Variants in ATR observed in about 807,000 individuals in gnomAD.
ATR encodes serine/threonine-protein kinase ATR.
A neutral mutation model predicts 305.3 loss-of-function variants in ATR; 142 were observed. The observed-to-expected ratio is 0.47, with a 90% CI of 0.41 to 0.53. The LOEUF is 0.53. Ranked by LOEUF, ATR falls within the 20% of genes least tolerant of loss-of-function variation. The probability of loss-of-function intolerance (pLI) is 0.00; values close to 1 mark genes in which losing one functional copy is unlikely to be tolerated. For missense variants in ATR, 2,135 were observed against 3,133.1 expected, an observed-to-expected ratio of 0.68 and a Z score of 7.60; for synonymous variants, 1,050 against 1,068.1, an observed-to-expected ratio of 0.98 and a Z score of 0.33.
rs540386856 is a variant in ATR, at chr3:142,450,500, A to G, written c.7762-898T>C. 1.1e-3 allele frequency: 1,758 copies of G among 1,603,906 alleles called. 2 individuals are homozygous for G. Among genetic ancestry groups the G allele is most frequent in the Non-Finnish European group, 1.4e-3 (1,678 of 1,173,912 alleles). ...TCCACTAAAGAGAGAGTTCATCAGG[A>G]TCCTTGTGAGGCTATTTCTCATATC... On this transcript the variant is annotated intron_variant, in intron 46 of 46. Transcript: ENST00000350721.
chr3:142,560,986 C>CACATATTAAAAAGTTACATATTAA (rs1384150485), intron 5 of ATR, among the ~76,000 whole-genome samples: 1 of 152,096 alleles, frequency 6.6e-6, no homozygotes, highest in Non-Finnish European at 1.5e-5. Context: ...TGCACAGTCT[C>CACATATTAAAAAGTTACATATTAA]AAAGATTTTT....
At chr3:142,496,945 C>T in intron 33 of ATR, 68 bp downstream of exon 33, 1 of 1,505,658 alleles carries the variant, frequency 6.6e-7, no homozygotes, top group Non-Finnish European at 9.1e-7. Flanking sequence ...AATACAAACA[C>T]CCCCAAATAA....
chr3:142,462,115 A>G (rs2071033454), intron 41 of ATR, 25 bp from the exon 42 acceptor site: 1 of 1,599,472 alleles, frequency 6.3e-7, no homozygotes, highest in Admixed American at 1.7e-5. Flanking sequence ...ACATAAATTT[A>G]AAAACAAGAT....
rs200407265 is a variant in ATR, at chr3:142,566,153, C to A, written c.260G>T (p.Ser87Ile). Residue 87 changes from serine (S) to isoleucine (I), a missense_variant, in exon 3 of 47, where the codon AGT becomes ATT. This residue lies in a region of ATR where 744 missense variants were observed against 873.2 expected (regional missense o/e 0.85). Transcript: ENST00000350721. ...ACTGCCTTTGGCCTCATGGCTTCCACTCACATTTACAAACATAAGTGGGGA... is the reference window on the plus strand; with the variant it reads ...ACTGCCTTTGGCCTCATGGCTTCCAATCACATTTACAAACATAAGTGGGGA... ...KSSPLMFVNV[S>I]GSHEAKGSCI... 7.4e-6 allele frequency: 12 copies of A among 1,614,170 alleles called. No homozygotes were observed. The highest frequency in any genetic ancestry group is 1.6e-4 in the Middle Eastern group (1 of 6,062).
At chr3:142,484,836 C>T (rs1175089412) in intron 36 of ATR, among the ~76,000 whole-genome samples, 1 of 152,168 alleles carries the variant, frequency 6.6e-6, no homozygotes, top group Non-Finnish European at 1.5e-5. Flanking sequence ...AAAAAACCCA[C>T]ATCTTTGGTC....
chr3:142,507,499 A>G (rs2032315971), intron 28 of ATR, among the ~76,000 whole-genome samples: 1 of 152,192 alleles, frequency 6.6e-6, no homozygotes, highest in African/African-American at 2.4e-5. Context: ...GCACCCTCCA[A>G]GAAGTTTGGG....
rs2071099187 is a variant in ATR, at chr3:142,465,169, G to A, written c.6969C>T (p.Ile2323=). ...GGTCATCTTTTGGCTTACACATCATGATGTAGAACTTTCCATCTGAGCCTT... is the reference window on the plus strand; with the variant it reads ...GGTCATCTTTTGGCTTACACATCATAATGTAGAACTTTCCATCTGAGCCTT... ...SLKGSDGKFY[I]MMCKPKDDLR... is the part of the protein sequence containing the mutation. Residue 2323 remains isoleucine, a synonymous_variant, in exon 41 of 47, where the codon ATC becomes ATT. Coordinates refer to ENST00000350721, the MANE Select transcript of ATR (RefSeq NM_001184.4). 1.2e-6 allele frequency: 2 copies of A among 1,608,582 alleles called. No individual in the cohort carries two copies. Among genetic ancestry groups the A allele is most frequent in the Non-Finnish European group, 1.7e-6 (2 of 1,175,892 alleles).
intron 20 of ATR, 139 bp from the exon 21 acceptor site, chr3:142,535,344 C>T: frequency 1.1e-6 from 1 of 916,898 alleles, no homozygotes; most frequent in Admixed American, 2.2e-5. Context: ...CCATTCCTTC[C>T]TTTGTACAGC....
chr3:142,482,276 A>C (rs74663516), intron 36 of ATR, among the ~76,000 whole-genome samples: 6,325 of 152,252 alleles, frequency 0.042, 431 homozygotes, highest in African/African-American at 0.14. Flanking sequence ...CAGGGGATAA[A>C]TATGTCTCAA....
At chr3:142,455,644 T>C (rs891315413) in intron 45 of ATR, among the ~76,000 whole-genome samples, 3 of 152,208 alleles carry the variant, frequency 2.0e-5, no homozygotes, top group African/African-American at 7.2e-5. Flanking sequence ...GGGCAAAATA[T>C]TCTTTTCAAA....
At chr3:142,554,286 T>C (rs976554104) in intron 10 of ATR, among the ~76,000 whole-genome samples, 43 of 152,096 alleles carry the variant, frequency 2.8e-4, no homozygotes, top group African/African-American at 1.0e-3. Context: ...AGTGGCATGA[T>C]CACGGCTCAC....
Position 142,553,939 on chromosome 3 carries a change from A to T in ATR, c.2418T>A (p.Leu806=), listed in dbSNP as rs2108465706. The T allele has an allele frequency of 6.2e-7, 1 of 1,611,716 alleles. No homozygotes were observed. The highest frequency in any genetic ancestry group is 8.5e-7 in the Non-Finnish European group (1 of 1,178,822). The change falls in exon 11 of 47, where the codon CTT becomes CTA. Residue 806 remains leucine (L), a synonymous_variant. Coordinates refer to ENST00000350721, the MANE Select transcript of ATR (RefSeq NM_001184.4). ...REDETDVKAV[L]GTLLNLMEDP... ...CTTCCATTAAATTTAATAAAGTTCC[A>T]AGAACTGCTTTTACATCTGTTTCAT...
At chr3:142,472,305 A>G (rs2071304416) in intron 36 of ATR, 1 of 152,172 alleles carries the variant, frequency 6.6e-6, no homozygotes, top group Non-Finnish European at 1.5e-5. Context: ...TTGCTAGATC[A>G]TATGATATTT....
intron 23 of ATR, 119 bp downstream of exon 23, chr3:142,522,609 T>A (rs2033194705): frequency 1.1e-6 from 1 of 872,234 alleles, no homozygotes; most frequent in South Asian, 1.4e-5. Context: ...ATCATGAACT[T>A]GTATAACTTT....
chr3:142,486,208 GA>G (rs1204621198), intron 35 of ATR, among the ~76,000 whole-genome samples: 27 of 152,032 alleles, frequency 1.8e-4, no homozygotes, highest in African/African-American at 6.5e-4. Context: ...TTCATCTAAA[GA>G]AGTTTGAGAA....
chr3:142,451,146 T>G (rs1014820578), intron 46 of ATR: 16 of 1,233,772 alleles, frequency 1.3e-5, no homozygotes, highest in Admixed American at 3.1e-5. Flanking sequence ...GAGGAGAATT[T>G]CACATCCACT....
At chr3:142,568,820 G>A (rs1187431434) in intron 1 of ATR, among the ~76,000 whole-genome samples, 1 of 152,256 alleles carries the variant, frequency 6.6e-6, no homozygotes, top group Non-Finnish European at 1.5e-5. Flanking sequence ...CAGGCCGCGT[G>A]TGCATGTGCT....
chr3:142,461,107 G>C (rs1415268581), intron 42 of ATR, among the ~76,000 whole-genome samples: 1 of 152,080 alleles, frequency 6.6e-6, no homozygotes, highest in Non-Finnish European at 1.5e-5. Context: ...TTTGTAAGGA[G>C]TTCGGACCAG....
At chr3:142,518,362 CAAA>C (rs1466245127) in intron 24 of ATR, among the ~76,000 whole-genome samples, 1 of 152,108 alleles carries the variant, frequency 6.6e-6, no homozygotes, top group Non-Finnish European at 1.5e-5. Context: ...ACTAAAAATA[CAAA>C]AAGTAGCCAG....
Sources: gnomAD v4.1 joint callset for allele counts (sites outside exome capture counted in the v4.1 genomes callset) on GRCh38, gnomAD v4.1.1 for gene constraint, gnomAD v4.1.1 regional missense constraint, MANE v1.5 for transcripts, NCBI Gene and HGNC (gene_info 2026-07-23, HGNC 2026-07-21) for gene names.